The following HDGF variants were observed in gnomAD, a reference collection of about 807,000 sequenced individuals.
HDGF encodes the protein hepatoma-derived growth factor.
In HDGF, 5 loss-of-function variants were observed where a neutral mutation model predicts 30.0. The observed-to-expected ratio is 0.17, with a 90% CI of 0.09 to 0.35. The LOEUF (loss-of-function observed/expected upper bound fraction) is 0.35, where lower values mean the gene tolerates loss of function less well. HDGF is among the 10% of genes least tolerant of loss of function. The pLI is 1.00. For synonymous variants in HDGF, 133 were observed against 112.7 expected, an observed-to-expected ratio of 1.18 and a Z score of -1.14; for missense variants, 214 against 302.8, an observed-to-expected ratio of 0.71 and a Z score of 2.18.
upstream of HDGF, chr1:156,752,288 G>A: frequency 6.4e-7 from 1 of 1,551,820 alleles, no homozygotes; most frequent in Non-Finnish European, 8.7e-7. Flanking sequence ...CCTTTGCTAA[G>A]GAGGAAACGC....
At chr1:156,766,166 G>A (rs1393712326) in intron 1 of HDGF, among the ~76,000 whole-genome samples, 1 of 152,220 alleles carries the variant, frequency 6.6e-6, no homozygotes, top group Non-Finnish European at 1.5e-5. Flanking sequence ...TCTGAAGGGT[G>A]GAGAGGTTGG....
intron 3 of HDGF, chr1:156,744,574 G>A (rs1223995772): frequency 3.3e-6 from 5 of 1,521,414 alleles, no homozygotes; most frequent in East Asian, 2.5e-5. Flanking sequence ...GGGAGGGCTG[G>A]AGCAGGAGGC....
chr1:156,744,329 C>T lies in HDGF; in HGVS notation c.323G>A (p.Cys108Tyr). Residue 108 changes from cysteine (C) to tyrosine (Y), a missense_variant, in exon 4 of 6, where the codon TGT becomes TAT. Physicochemically the swap from Cys to Tyr is radical, Grantham distance 194 (BLOSUM62 -2). Coordinates refer to ENST00000357325, the MANE Select transcript of HDGF (RefSeq NM_004494.3). The part of the protein sequence containing the change: ...SGYQSSQKKS[C>Y]VEEPEPEPEA... ...GGGCTCTGGTTCAGGCTCTTCCACA[C>T]AGCTCTTTTTCTGGGAGGACTGCAG... 1 of 1,614,150 alleles carries T rather than the reference C, an allele frequency of 6.2e-7. No homozygotes were observed. Among genetic ancestry groups the T allele is most frequent in the Non-Finnish European group, 8.5e-7 (1 of 1,180,026 alleles).
intron 1 of HDGF, among the ~76,000 whole-genome samples, chr1:156,748,398 G>A (rs1650739199): frequency 6.6e-6 from 1 of 152,170 alleles, no homozygotes; most frequent in Non-Finnish European, 1.5e-5. Context: ...TTGTATCCAG[G>A]CTGTGACTCA....
chr1:156,748,386 C>T (rs145354463), intron 1 of HDGF, among the ~76,000 whole-genome samples: 309 of 152,280 alleles, frequency 2.0e-3, no homozygotes, highest in African/African-American at 6.9e-3. Context: ...CAGGTGGTGC[C>T]TTTGTATCCA....
upstream of HDGF, among the ~76,000 whole-genome samples, chr1:156,755,870 C>G (rs1297451915): frequency 6.6e-6 from 1 of 152,196 alleles, no homozygotes; most frequent in East Asian, 1.9e-4. Flanking sequence ...TTGTGTGTAA[C>G]TTTAGGAAAG....
intron 1 of HDGF, among the ~76,000 whole-genome samples, chr1:156,765,444 C>T (rs1191073911): frequency 2.3e-4 from 29 of 126,548 alleles, no homozygotes; most frequent in Non-Finnish European, 4.9e-4. Context: ...TCTTTCCTTT[C>T]TTTCCTTCTT....
At chr1:156,748,008 G>A (rs1458688255) in intron 1 of HDGF, among the ~76,000 whole-genome samples, 3 of 152,128 alleles carry the variant, frequency 2.0e-5, no homozygotes, top group Non-Finnish European at 4.4e-5. Context: ...AATAGCATGA[G>A]GCACACCAGA....
chr1:156,752,549 T>C (rs375658713), upstream of HDGF: 205 of 609,400 alleles, frequency 3.4e-4, no homozygotes, highest in African/African-American at 3.3e-3. Context: ...GAGGGGGGTC[T>C]GGGAAGGCTT....
At chr1:156,751,713 C>T, upstream of HDGF, 1 of 1,214,980 alleles carries the variant, frequency 8.2e-7, no homozygotes, top group Non-Finnish European at 1.0e-6. This position sits in a 1 kb window ranked among gnomAD's most constrained non-coding sequence, Gnocchi z 4.7. Context: ...AGGCCTCTTC[C>T]TCCACCCCCC....
chr1:156,755,064 G>C (rs1405418126), upstream of HDGF, among the ~76,000 whole-genome samples: 1 of 152,134 alleles, frequency 6.6e-6, no homozygotes, highest in African/African-American at 2.4e-5. Context: ...CAGTAGTAAG[G>C]GTCTAAAACA....
chr1:156,764,778 C>T lies in HDGF; in HGVS notation n.136+2012G>A, dbSNP rs1208612170. On this transcript the variant is annotated intron_variant and non_coding_transcript_variant, in intron 1 of 7. Coordinates refer to the HDGF transcript ENST00000465180. ...GTGCACACCTGTAATCCCAGCTACT[C>T]GGGAGGCTGAGGCACAAGAATCACT... Among the ~76,000 whole-genome samples, 7 of 151,200 alleles carry T rather than the reference C, an allele frequency of 4.6e-5. No homozygotes were observed. The East Asian group carries it at 6.0e-4, about 13-fold the overall frequency.
chr1:156,751,728 G>C (rs1173870105), upstream of HDGF: 2,569 of 955,658 alleles, frequency 2.7e-3, 5 homozygotes, highest in Non-Finnish European at 2.9e-3. The surrounding 1 kb of genome is among the most constrained non-coding windows in gnomAD (Gnocchi z 4.7). Context: ...CCCCCCGCCC[G>C]GTCCCCACTC....
chr1:156,744,507 C>T (rs776497854), intron 3 of HDGF, 159 bp from the exon 4 acceptor site: 5 of 1,576,964 alleles, frequency 3.2e-6, no homozygotes, highest in East Asian at 2.3e-5. Flanking sequence ...CCACCTCTGT[C>T]GGATTAGCCC....
chr1:156,744,363 G>T lies in HDGF; in HGVS notation c.304-15C>A, dbSNP rs1207551076. 1.2e-6 allele frequency: 2 copies of T among 1,613,376 alleles called. No homozygotes were observed. Among genetic ancestry groups the T allele is most frequent in the South Asian group, 2.2e-5 (2 of 91,078 alleles). On this transcript the variant is annotated splice_polypyrimidine_tract_variant and intron_variant, in intron 3 of 5. Transcript: ENST00000357325. ...TTCTGGGAGGACTGCAGCAGAGACA[G>T]CACAGGCTGAGTGGCACCAGTCGCT... is the stretch of plus-strand genomic sequence containing the variant.
chr1:156,743,484 G>T, intron 5 of HDGF, 29 bp from the exon 6 acceptor site: 2 of 1,557,126 alleles, frequency 1.3e-6, no homozygotes, highest in Non-Finnish European at 1.7e-6. Context: ...GGGGAGAAGG[G>T]TTAATGGTGT....
chr1:156,752,767 G>A (rs1348289551), upstream of HDGF, among the ~76,000 whole-genome samples: 3 of 152,174 alleles, frequency 2.0e-5, no homozygotes, highest in Non-Finnish European at 4.4e-5. Context: ...AGACACCTAT[G>A]TTCCCTTAGA....
chr1:156,759,523 C>T (rs1245852728), intron 1 of HDGF, among the ~76,000 whole-genome samples: 1 of 146,922 alleles, frequency 6.8e-6, no homozygotes, highest in Non-Finnish European at 1.5e-5. Flanking sequence ...ACTCTGTCAC[C>T]CAGGCTGGAG....
At chr1:156,767,213 C>A (rs1299761664), upstream of HDGF, among the ~76,000 whole-genome samples, 3 of 152,186 alleles carry the variant, frequency 2.0e-5, no homozygotes, top group Admixed American at 1.3e-4. Context: ...ATCTTAGTGG[C>A]CAAGGGGCTA....
Sources: gnomAD v4.1 joint callset for allele counts (sites outside exome capture counted in the v4.1 genomes callset) on GRCh38, gnomAD v4.1.1 for gene constraint, Gnocchi (gnomAD v3.1) non-coding constraint, MANE v1.5 for transcripts, NCBI Gene and HGNC (gene_info 2026-07-23, HGNC 2026-07-21) for gene names.